The following PGPEP1 variants were observed in gnomAD, a reference collection of about 807,000 sequenced individuals.
The protein encoded by PGPEP1 is pyroglutamyl-peptidase I.
Under a neutral mutation model 24.1 loss-of-function variants are expected in PGPEP1, and 15 were observed. That is an observed-to-expected ratio of 0.62 (90% CI 0.42 to 0.96). The LOEUF is 0.96. Ranked by LOEUF, PGPEP1 falls within the 40% of genes least tolerant of loss-of-function variation. PGPEP1 has a pLI of 0.00. For synonymous variants in PGPEP1, 122 were observed against 116.4 expected (o/e 1.05, Z -0.31); for missense variants, 242 against 273.4 (o/e 0.89, Z 0.81).
At chr19:18,357,678 AG>A in intron 4 of PGPEP1, 63 bp downstream of exon 4, 1 of 1,223,008 alleles carries the variant, frequency 8.2e-7, no homozygotes, top group Non-Finnish European at 1.2e-6. Flanking sequence ...AGCCTGGTGT[AG>A]AACAAGCCAA....
At chr19:18,350,873 G>A (rs1207812953) in intron 2 of PGPEP1, among the ~76,000 whole-genome samples, 4 of 152,060 alleles carry the variant, frequency 2.6e-5, no homozygotes, top group South Asian at 2.1e-4. Flanking sequence ...TGCAGCGAGC[G>A]CTGATGGCGC....
At chr19:18,363,262 T>G (rs1194820034) in intron 4 of PGPEP1, 129 bp from the exon 5 acceptor site, 3 of 660,256 alleles carry the variant, frequency 4.5e-6, no homozygotes, top group Non-Finnish European at 7.7e-6. Flanking sequence ...GAGGAGAGTG[T>G]TGTTCCATCT....
At chr19:18,341,326 T>G (rs1467908022) in intron 1 of PGPEP1, among the ~76,000 whole-genome samples, 1 of 152,156 alleles carries the variant, frequency 6.6e-6, no homozygotes, top group African/African-American at 2.4e-5. Flanking sequence ...GGCTGTTTGT[T>G]GGTGAGTCAG....
intron 1 of PGPEP1, among the ~76,000 whole-genome samples, chr19:18,341,898 C>A (rs1013190664): frequency 4.0e-5 from 6 of 151,016 alleles, no homozygotes; most frequent in African/African-American, 1.5e-4. Flanking sequence ...GATCACTGGC[C>A]CAGATGGACC....
At chr19:18,350,667 A>G (rs1239270365) in intron 2 of PGPEP1, among the ~76,000 whole-genome samples, 1 of 152,226 alleles carries the variant, frequency 6.6e-6, no homozygotes, top group East Asian at 1.9e-4. Flanking sequence ...TCTGAGGTGG[A>G]GTATTATGCA....
intron 4 of PGPEP1, among the ~76,000 whole-genome samples, chr19:18,360,984 A>G (rs981915997): frequency 6.6e-6 from 1 of 151,102 alleles, no homozygotes; most frequent in South Asian, 2.1e-4. Context: ...GGCACCCACC[A>G]CCACACCCAG....
Position 18,340,686 on chromosome 19 carries a change from A to G in PGPEP1, c.5A>G (p.Glu2Gly). M[E>G]QPRKAVVVTG... ...GAGGCACAGCCCGATCCCGCCATGG[A>G]GCAGCCGAGGAAGGCGGTGGTAGTG... The change falls in exon 1 of 5, where the codon GAG becomes GGG. Residue 2 changes from glutamate (E) to glycine (G), a missense_variant. Coordinates refer to ENST00000269919, the MANE Select transcript of PGPEP1 (RefSeq NM_017712.4). The G allele has an allele frequency of 6.5e-7, 1 of 1,542,114 alleles. No individual in the cohort carries two copies. The highest frequency in any genetic ancestry group is 8.7e-7 in the Non-Finnish European group (1 of 1,145,778).
At chr19:18,354,323 G>A (rs576223942) in intron 2 of PGPEP1, among the ~76,000 whole-genome samples, 11 of 151,852 alleles carry the variant, frequency 7.2e-5, no homozygotes, top group African/African-American at 1.9e-4. Context: ...GTGAAACCCC[G>A]TCTCCACTAA....
chr19:18,359,615 C>T (rs1017348303), intron 4 of PGPEP1, among the ~76,000 whole-genome samples: 11 of 151,090 alleles, frequency 7.3e-5, no homozygotes, highest in African/African-American at 2.7e-4. Flanking sequence ...TCAAGTGATT[C>T]TCCTGCCTCA....
At position 18,363,033 on chromosome 19, in the gene PGPEP1, T is replaced by TTGTGTGTGTGTGTGTGTGTGTG. The variant is rs201259409; in HGVS notation, c.438-344_438-323dup. Among the ~76,000 whole-genome samples, 122 of 136,782 alleles carry TTGTGTGTGTGTGTGTGTGTGTG rather than the reference T, an allele frequency of 8.9e-4. 1 individual carries two copies. Among genetic ancestry groups the TTGTGTGTGTGTGTGTGTGTGTG allele is most frequent in the African/African-American group, 2.6e-3 (95 of 36,438 alleles). The allele number at this position is 136,782 out of a possible 152,430, so 89.7% of individuals were successfully genotyped here. On this transcript the variant is annotated intron_variant, in intron 4 of 4. Coordinates refer to ENST00000269919, the MANE Select transcript of PGPEP1 (RefSeq NM_017712.4). ...CTGGGAGTTATCAAGTTTTTTTTGT[T>TTGTGTGTGTGTGTGTGTGTGTG]TGTGTGTGTGTGTGTGTGTGTGTGT...
Position 18,356,113 on chromosome 19 carries a change from C to A in PGPEP1, c.204+102C>A, listed in dbSNP as rs1971179407. On this transcript the variant is annotated intron_variant, in intron 3 of 4. Transcript: ENST00000269919. ...CTTTGGTCCTGATCAGATCACGTGA[C>A]CAATGCCATACAGCCTTGTCCTCAA... The A allele has an allele frequency of 4.1e-6, 3 of 734,904 alleles. No individual in the cohort carries two copies. In the East Asian group the frequency reaches 7.8e-5, roughly 19 times the overall value. The allele number at this position is 734,904 out of a possible 1,614,324, so 45.5% of individuals were successfully genotyped here. A position where few individuals can be genotyped will look rare whatever the true frequency, so the allele number is the denominator to read the frequency against.
At chr19:18,358,781 A>T (rs995731636) in intron 4 of PGPEP1, among the ~76,000 whole-genome samples, 5 of 147,066 alleles carry the variant, frequency 3.4e-5, no homozygotes, top group Non-Finnish European at 6.0e-5. Context: ...GACCCAGCAA[A>T]TTTTTTGTAT....
chr19:18,358,025 A>C, intron 4 of PGPEP1: 1 of 229,374 alleles, frequency 4.4e-6, no homozygotes, highest in Non-Finnish European at 8.8e-6. Flanking sequence ...TCAGAAGTCC[A>C]AGGTCAAGGT....
At chr19:18,356,980 G>A (rs1256553940) in intron 3 of PGPEP1, among the ~76,000 whole-genome samples, 1 of 148,014 alleles carries the variant, frequency 6.8e-6, no homozygotes. Context: ...GGAGGTTGCA[G>A]TGAGCTGAGA....
rs1971631921 is a variant in PGPEP1, at chr19:18,369,021, G to A, written c.*5438G>A. The A allele has an allele frequency of 2.0e-5, 3 of 152,280 alleles. No homozygotes were observed. In the South Asian group the frequency reaches 6.2e-4, roughly 31 times the overall value. 9.4% of individuals were successfully genotyped at this position (152,280 alleles called of 1,614,324 possible). A position where few individuals can be genotyped will look rare whatever the true frequency, so the allele number is the denominator to read the frequency against. On this transcript the variant is annotated 3_prime_UTR_variant, in exon 5 of 5. Coordinates refer to ENST00000269919, the MANE Select transcript of PGPEP1 (RefSeq NM_017712.4). ...GCCTCATGAGGGCCCGGGGCTGCTG[G>A]TTGGGAGGGAAAGCATCCCCGTTTT...
chr19:18,347,160 C>A (rs1970873145), intron 2 of PGPEP1, among the ~76,000 whole-genome samples: 1 of 151,488 alleles, frequency 6.6e-6, no homozygotes, highest in African/African-American at 2.4e-5. Context: ...CAGCTCACCT[C>A]ATCCTTGACC....
chr19:18,349,256 A>G (rs1970950217), intron 2 of PGPEP1, among the ~76,000 whole-genome samples: 1 of 152,078 alleles, frequency 6.6e-6, no homozygotes, highest in African/African-American at 2.4e-5. Flanking sequence ...ATCTCAGCTC[A>G]CTGCAACCTC....
intron 4 of PGPEP1, chr19:18,361,805 G>C: frequency 1.0e-6 from 1 of 985,164 alleles, no homozygotes; most frequent in Non-Finnish European, 1.2e-6. Context: ...GTTTTGCTTT[G>C]CTTTTACGTG....
At chr19:18,344,333 G>A (rs1472295798) in intron 2 of PGPEP1, among the ~76,000 whole-genome samples, 5 of 152,098 alleles carry the variant, frequency 3.3e-5, no homozygotes, top group African/African-American at 1.2e-4. Flanking sequence ...GGGACAGGCT[G>A]GGGAGCAATG....
Sources: allele counts gnomAD v4.1 joint callset (sites outside exome capture counted in the v4.1 genomes callset), GRCh38; gene constraint gnomAD v4.1.1; transcripts MANE v1.5; gene names NCBI Gene and HGNC (gene_info 2026-07-23, HGNC 2026-07-21).